LPP: variants seen among roughly 807,000 people sequenced by gnomAD.
LPP encodes the protein lipoma-preferred partner.
In LPP, 38 loss-of-function variants were observed where a neutral mutation model predicts 60.4. The observed-to-expected ratio is 0.63, with a 90% CI of 0.49 to 0.83. LPP has a LOEUF of 0.83. Among genes scored for constraint, LPP ranks in the 40% least tolerant of loss-of-function variants. The probability of loss-of-function intolerance (pLI) is 0.00; values close to 1 mark genes in which losing one functional copy is unlikely to be tolerated. For synonymous variants in LPP, 328 were observed against 290.8 expected (o/e 1.13, Z -1.30); for missense variants, 902 against 783.6 (o/e 1.15, Z -1.80).
rs925947529 is a variant in LPP at position 188,333,033 on chromosome 3, C to T, written c.-66-8630C>T. On this transcript the variant is annotated intron_variant, in intron 2 of 11. Coordinates refer to ENST00000617246, the MANE Select transcript of LPP (RefSeq NM_001375462.1). ...TGACATTATAGGCTCACTTCTGGGG[C>T]GTCATTATTACATTAATTTTTCTAT... 2.0e-5 allele frequency among the ~76,000 whole-genome samples: 3 copies of T among 151,452 alleles called. No individual in the cohort carries two copies. The East Asian group carries it at 5.8e-4, about 29-fold the overall frequency.
intron 7 of LPP, among the ~76,000 whole-genome samples, chr3:188,640,366 T>G (rs1207502221): frequency 3.0e-5 from 3 of 99,554 alleles, no homozygotes; most frequent in East Asian, 3.2e-4. Context: ...TGGGGACTGT[T>G]GTGGGGTGGG....
intron 9 of LPP, among the ~76,000 whole-genome samples, chr3:188,825,658 T>G (rs1209645377): frequency 6.6e-6 from 1 of 151,978 alleles, no homozygotes; most frequent in African/African-American, 2.4e-5. Context: ...CAGCCCAGGG[T>G]CACCACAGCC....
At chr3:188,655,382 T>C (rs1443833523) in intron 7 of LPP, among the ~76,000 whole-genome samples, 1 of 152,320 alleles carries the variant, frequency 6.6e-6, no homozygotes, top group Admixed American at 6.5e-5. Context: ...AGAATTATCC[T>C]GTTCACTTCA....
chr3:188,508,820 G>C (rs1223850250), intron 5 of LPP, among the ~76,000 whole-genome samples: 5 of 152,106 alleles, frequency 3.3e-5, no homozygotes, highest in Admixed American at 2.6e-4. Flanking sequence ...CAGAGTTGTG[G>C]GATTTTAATT....
At chr3:188,335,739 G>A (rs745637730) in intron 2 of LPP, among the ~76,000 whole-genome samples, 1 of 151,880 alleles carries the variant, frequency 6.6e-6, no homozygotes, top group Non-Finnish European at 1.5e-5. Context: ...TTTTTTACTG[G>A]AGTCTGAAAC....
chr3:188,524,934 TC>T lies in LPP; in HGVS notation c.429+149del. 1.1e-5 allele frequency: 3 copies of T among 282,872 alleles called. 1 individual carries two copies. The highest frequency in any genetic ancestry group is 1.7e-5 in the Non-Finnish European group (3 of 173,220). The allele number at this position is 282,872 out of a possible 1,614,324, so 17.5% of individuals were successfully genotyped here. On this transcript the variant is annotated intron_variant, in intron 6 of 11. Coordinates refer to ENST00000617246, the MANE Select transcript of LPP (RefSeq NM_001375462.1). ...TTCCTTCCTTCCTTCCTTCCTTCCT[TC>T]CTTCCTTCCTTCCTCTCTCTCTCTT...
At chr3:188,535,226 A>G (rs1346367411) in intron 6 of LPP, among the ~76,000 whole-genome samples, 1 of 152,160 alleles carries the variant, frequency 6.6e-6, no homozygotes, top group Non-Finnish European at 1.5e-5. Flanking sequence ...GGATCGAATT[A>G]TGTTTCATTG....
Position 188,880,176 on chromosome 3 carries a change from G to A in LPP, c.*5697G>A. On this transcript the variant is annotated 3_prime_UTR_variant, in exon 12 of 12. Coordinates refer to ENST00000617246, the MANE Select transcript of LPP (RefSeq NM_001375462.1). The stretch of plus-strand genomic sequence containing the variant: ...CTCCCGAGTAGCTGGGACTACAGGC[G>A]CCTGCCACCACGCCCGGCTAATTTT... 1 of 161,974 alleles carries A rather than the reference G, an allele frequency of 6.2e-6. No homozygotes were observed. The allele number at this position is 161,974 out of a possible 1,614,324, so 10.0% of individuals were successfully genotyped here. A position where few individuals can be genotyped will look rare whatever the true frequency, so the allele number is the denominator to read the frequency against.
intron 2 of LPP, among the ~76,000 whole-genome samples, chr3:188,300,390 A>G (rs1227939421): frequency 1.3e-5 from 2 of 151,644 alleles, no homozygotes; most frequent in East Asian, 1.9e-4. Flanking sequence ...TTGTTTCCAT[A>G]ATTAAGGGTT....
intron 10 of LPP, among the ~76,000 whole-genome samples, chr3:188,872,148 A>G (rs1260868832): frequency 6.6e-6 from 1 of 152,188 alleles, no homozygotes; most frequent in African/African-American, 2.4e-5. Flanking sequence ...GAGTCTTCTT[A>G]TGTCAGTTCC....
intron 7 of LPP, among the ~76,000 whole-genome samples, chr3:188,642,952 T>A (rs915155664): frequency 1.4e-4 from 19 of 137,944 alleles, no homozygotes; most frequent in Admixed American, 7.3e-5. Flanking sequence ...AAAAAAAAAA[T>A]TAACCTGATA....
At position 188,405,764 on chromosome 3, in the gene LPP, GA is replaced by G. The variant is rs1184986578; in HGVS notation, c.-9-346del. Among the ~76,000 whole-genome samples, 4 of 152,174 alleles carry G rather than the reference GA, an allele frequency of 2.6e-5. No homozygotes were observed. In the East Asian group the frequency reaches 7.7e-4, roughly 29 times the overall value. On this transcript the variant is annotated intron_variant, in intron 3 of 11. Transcript: ENST00000617246. ...TACCATAAAATCTCCTTCAAGTTAG[GA>G]ACCATTTCTTATTCATATCTATTTC...
At chr3:188,388,755 A>G (rs1381334999) in intron 3 of LPP, among the ~76,000 whole-genome samples, 1 of 152,212 alleles carries the variant, frequency 6.6e-6, no homozygotes, top group Non-Finnish European at 1.5e-5. Context: ...GAAATTTGTT[A>G]TATCTGTAGT....
chr3:188,710,558 G>A (rs1010918961), intron 8 of LPP: 6 of 152,102 alleles, frequency 3.9e-5, no homozygotes, highest in African/African-American at 1.2e-4. Flanking sequence ...GAAAATCCAC[G>A]AAGGTTTCTA....
chr3:188,429,254 A>G (rs1468146202), intron 4 of LPP, among the ~76,000 whole-genome samples: 1 of 152,174 alleles, frequency 6.6e-6, no homozygotes, highest in Non-Finnish European at 1.5e-5. Flanking sequence ...GATGCCCTTA[A>G]TTGTAACAAT....
At chr3:188,479,996 C>G (rs550913762) in intron 4 of LPP, among the ~76,000 whole-genome samples, 48 of 152,304 alleles carry the variant, frequency 3.2e-4, no homozygotes, top group African/African-American at 1.1e-3. Context: ...GCAAGCTCTG[C>G]GTTAGGTAGA....
intron 9 of LPP, among the ~76,000 whole-genome samples, chr3:188,864,659 C>T (rs771286855): frequency 9.2e-5 from 14 of 152,234 alleles, no homozygotes; most frequent in South Asian, 4.1e-4. Flanking sequence ...TGGCAAATTG[C>T]GATACATCTA....
At chr3:188,753,056 T>C (rs942777626) in intron 8 of LPP, among the ~76,000 whole-genome samples, 5 of 152,162 alleles carry the variant, frequency 3.3e-5, no homozygotes, top group African/African-American at 9.7e-5. Flanking sequence ...AGAGTTATGA[T>C]TGAATTGTAT....
In LPP at chr3:188,552,042, A is replaced by C. The variant is rs1366553506; in HGVS notation, c.429+27255A>C. Among the ~76,000 whole-genome samples, 6 of 152,160 alleles carry C rather than the reference A, an allele frequency of 3.9e-5. No individual in the cohort carries two copies. In the South Asian group the frequency reaches 1.2e-3, roughly 32 times the overall value. On this transcript the variant is annotated intron_variant, in intron 6 of 11. Coordinates refer to ENST00000617246, the MANE Select transcript of LPP (RefSeq NM_001375462.1). ...AACAGAAAACAGAAAAAAATATTGC[A>C]TTGTATCTGTGGGACCTTCCCATCC...
Sources: allele counts gnomAD v4.1 joint callset (sites outside exome capture counted in the v4.1 genomes callset), GRCh38; gene constraint gnomAD v4.1.1; transcripts MANE v1.5; gene names NCBI Gene and HGNC (gene_info 2026-07-23, HGNC 2026-07-21).